Variants in PREP observed in about 807,000 individuals in gnomAD.
PREP encodes prolyl endopeptidase.
In PREP, 29 loss-of-function variants were observed where a neutral mutation model predicts 87.6. The ratio of observed to expected loss-of-function variants is 0.33; its 90% CI spans 0.25 to 0.45. The LOEUF (loss-of-function observed/expected upper bound fraction) is 0.45. Among genes scored for constraint, PREP ranks in the 20% least tolerant of loss-of-function variants. The pLI is 1.00. For synonymous variants in PREP, 337 were observed against 328.6 expected (o/e 1.03, Z -0.28); for missense variants, 695 against 886.5 (o/e 0.78, Z 2.74).
At chr6:105,322,478 T>TG (rs1294977494) in intron 10 of PREP, 1 of 985,408 alleles carries the variant, frequency 1.0e-6, no homozygotes, top group Non-Finnish European at 1.2e-6. Flanking sequence ...CAGAGCTTCT[T>TG]GACCCTGTAT....
chr6:105,389,480 C>T (rs1383177368), intron 2 of PREP, among the ~76,000 whole-genome samples: 4 of 152,228 alleles, frequency 2.6e-5, no homozygotes, highest in African/African-American at 9.6e-5. Context: ...GAATTATCCA[C>T]ACAGATATCC....
At chr6:105,312,043 T>G (rs1770770285) in intron 10 of PREP, among the ~76,000 whole-genome samples, 1 of 152,236 alleles carries the variant, frequency 6.6e-6, no homozygotes, top group African/African-American at 2.4e-5. Context: ...TATATACATA[T>G]TAAATTCTGG....
Position 105,402,967 on chromosome 6 carries a change from G to A in PREP, c.-76C>T. 3.6e-6 allele frequency: 3 copies of A among 835,978 alleles called. No homozygotes were observed. Among genetic ancestry groups the A allele is most frequent in the Non-Finnish European group, 4.9e-6 (3 of 606,908 alleles). The allele number at this position is 835,978 out of a possible 1,614,324, so 51.8% of individuals were successfully genotyped here. A position where few individuals can be genotyped will look rare whatever the true frequency, so the allele number is the denominator to read the frequency against. Reference sequence around the variant, plus strand: ...GACCTGAGCTAGCCGGGCTGGCCGCGAGGCGCGGCTGGGGCGCAGGCAGCT... The same window carrying A: ...GACCTGAGCTAGCCGGGCTGGCCGCAAGGCGCGGCTGGGGCGCAGGCAGCT... On this transcript the variant is annotated 5_prime_UTR_variant, in exon 1 of 15. Transcript: ENST00000652536.
intron 8 of PREP, among the ~76,000 whole-genome samples, chr6:105,332,505 T>C (rs572612649): frequency 2.6e-5 from 4 of 152,152 alleles, no homozygotes; most frequent in African/African-American, 9.7e-5. Flanking sequence ...GGACTTTTTT[T>C]CCTCATTATA....
At chr6:105,402,768 A>G in intron 1 of PREP, 79 bp downstream of exon 1, 2 of 1,346,340 alleles carry the variant, frequency 1.5e-6, no homozygotes, top group East Asian at 2.7e-5. Flanking sequence ...CTACAGGAAG[A>G]GGAGCTGCGG....
chr6:105,310,726 C>G (rs372897119), intron 10 of PREP, among the ~76,000 whole-genome samples: 3 of 152,342 alleles, frequency 2.0e-5, no homozygotes, highest in African/African-American at 7.2e-5. Flanking sequence ...TTTATATGCT[C>G]TGCATGTGAC....
intron 12 of PREP, among the ~76,000 whole-genome samples, chr6:105,285,214 A>G (rs986290076): frequency 3.3e-5 from 5 of 152,248 alleles, no homozygotes; most frequent in Admixed American, 6.5e-5. Flanking sequence ...AACACAACCT[A>G]TGAGTTGTTA....
intron 10 of PREP, among the ~76,000 whole-genome samples, chr6:105,313,279 G>A (rs1190085758): frequency 1.3e-5 from 2 of 152,174 alleles, no homozygotes; most frequent in African/African-American, 2.4e-5. Context: ...CCCATCACCC[G>A]TCGACCATCA....
At position 105,276,146 on chromosome 6, in the gene PREP, C is replaced by T. The variant is rs766062590; in HGVS notation, c.*1998G>A. On this transcript the variant is annotated 3_prime_UTR_variant, in exon 15 of 15. Coordinates refer to ENST00000652536, the MANE Select transcript of PREP (RefSeq NM_002726.5). ...TTTCTAATGTTTAAAGCTCCCCCTA[C>T]TCCCCAAAATACCTTTAGTTGGTGG... Among the ~76,000 whole-genome samples, 1 of 152,246 alleles carries T rather than the reference C, an allele frequency of 6.6e-6. No individual in the cohort carries two copies. Among genetic ancestry groups the T allele is most frequent in the Non-Finnish European group, 1.5e-5 (1 of 68,052 alleles).
At position 105,376,129 on chromosome 6, in the gene PREP, G is replaced by A. The variant is rs1772680206; in HGVS notation, c.381C>T (p.Leu127=). 1.2e-6 allele frequency: 2 copies of A among 1,613,020 alleles called. No homozygotes were observed. The highest frequency in any genetic ancestry group is 1.3e-5 in the African/African-American group (1 of 74,904). Residue 127 remains leucine, a synonymous_variant, in exon 4 of 15, where the codon CTC becomes CTT. Transcript: ENST00000652536. ...NILSDDGTVA[L]RGYAFSEDGE... Reference sequence around the variant, plus strand: ...GCCTCTCTGTGTAGCACTTACCTCGGAGTGCCACTGTGCCATCGTCAGACA... The same window carrying A: ...GCCTCTCTGTGTAGCACTTACCTCGAAGTGCCACTGTGCCATCGTCAGACA...
At chr6:105,382,836 T>A (rs1772884280) in intron 2 of PREP, among the ~76,000 whole-genome samples, 1 of 152,126 alleles carries the variant, frequency 6.6e-6, no homozygotes, top group Non-Finnish European at 1.5e-5. Context: ...CAATGAAAAC[T>A]AAGAGTGGTG....
chr6:105,281,095 TC>T (rs1770071812), intron 14 of PREP: 1 of 152,246 alleles, frequency 6.6e-6, no homozygotes, highest in Admixed American at 6.5e-5. Context: ...CTCTGGGTCT[TC>T]CAAGGTCAAA....
In PREP at chr6:105,328,868, T is replaced by G. The variant is rs758222778; in HGVS notation, c.1174A>C (p.Thr392Pro). 1 of 1,614,218 alleles carries G rather than the reference T, an allele frequency of 6.2e-7. No individual in the cohort carries two copies. The highest frequency in any genetic ancestry group is 8.5e-7 in the Non-Finnish European group (1 of 1,180,038). Reference sequence around the variant, plus strand: ...GAAGTAAACTGATAGAAGATTTCAGTGTCCTTCTTCTGACCGCTGTACCCT... The same window carrying G: ...GAAGTAAACTGATAGAAGATTTCAGGGTCCTTCTTCTGACCGCTGTACCCT... ...IVGYSGQKKD[T>P]EIFYQFTSFL... The change falls in exon 9 of 15, where the codon ACT becomes CCT. Residue 392 changes from threonine to proline, a missense_variant. Thr to Pro is a conservative substitution (Grantham distance 38, BLOSUM62 -1). Around this residue, in one of 5 missense-constraint regions of PREP, gnomAD observed 517 missense variants for 620.3 expected, o/e 0.83. Transcript: ENST00000652536.
At chr6:105,291,123 T>TAA (rs59869341) in intron 10 of PREP, among the ~76,000 whole-genome samples, 118 of 152,058 alleles carry the variant, frequency 7.8e-4, no homozygotes, top group African/African-American at 2.3e-3. Context: ...GCTTTATTGC[T>TAA]AAAAAAAACA....
chr6:105,314,824 G>C (rs1480246437), intron 10 of PREP, among the ~76,000 whole-genome samples: 1 of 152,130 alleles, frequency 6.6e-6, no homozygotes, highest in African/African-American at 2.4e-5. Context: ...CTGTCCAGAA[G>C]GGTTTCAATT....
intron 7 of PREP, among the ~76,000 whole-genome samples, chr6:105,334,713 T>TCAACAACAACAACAACAA (rs573991003): frequency 0.018 from 2,684 of 150,050 alleles, 81 homozygotes; most frequent in East Asian, 0.12. Flanking sequence ...AGACTCTGTC[T>TCAACAACAACAACAACAA]CAACAACAAC....
chr6:105,345,028 T>A (rs1432203135), intron 7 of PREP, among the ~76,000 whole-genome samples: 1 of 152,206 alleles, frequency 6.6e-6, no homozygotes, highest in Non-Finnish European at 1.5e-5. Context: ...TAGTCCAAAG[T>A]ATAGGCCCTC....
chr6:105,342,045 T>A (rs1167850888), intron 7 of PREP, among the ~76,000 whole-genome samples: 2 of 152,206 alleles, frequency 1.3e-5, no homozygotes, highest in Non-Finnish European at 2.9e-5. Flanking sequence ...GAGGCCAGCA[T>A]CATCCTGATA....
intron 7 of PREP, among the ~76,000 whole-genome samples, chr6:105,351,301 T>C (rs1462191995): frequency 6.6e-6 from 1 of 152,216 alleles, no homozygotes; most frequent in East Asian, 1.9e-4. Context: ...GAATGGATCA[T>C]GGCCATTAAG....
Sources: allele counts gnomAD v4.1 joint callset (sites outside exome capture counted in the v4.1 genomes callset), GRCh38; gene constraint gnomAD v4.1.1; regional missense constraint gnomAD v4.1.1; transcripts MANE v1.5; gene names NCBI Gene and HGNC (gene_info 2026-07-23, HGNC 2026-07-21).